Variants in PTK2B observed in about 807,000 individuals in gnomAD.
PTK2B encodes the protein protein-tyrosine kinase 2-beta.
In PTK2B, 71 loss-of-function variants were observed where a neutral mutation model predicts 142.9. The ratio of observed to expected loss-of-function variants is 0.50; its 90% CI spans 0.41 to 0.61. The LOEUF (loss-of-function observed/expected upper bound fraction) is 0.61. PTK2B is among the 20% of genes least tolerant of loss of function. The pLI is 0.00. For synonymous variants in PTK2B, 519 were observed against 503.4 expected, an observed-to-expected ratio of 1.03 and a Z score of -0.42; for missense variants, 1,105 against 1,320.4, an observed-to-expected ratio of 0.84 and a Z score of 2.53.
At chr8:27,391,827 T>C (rs938228721) in intron 1 of PTK2B, among the ~76,000 whole-genome samples, 1 of 152,250 alleles carries the variant, frequency 6.6e-6, no homozygotes, top group Non-Finnish European at 1.5e-5. Flanking sequence ...CTGTTTTAAT[T>C]TGAGCCCATT....
At chr8:27,311,044 C>T (rs142139999), upstream of PTK2B, 2 of 1,599,864 alleles carry the variant, frequency 1.3e-6, no homozygotes, top group Non-Finnish European at 1.7e-6. Context: ...CGGCGGGTGA[C>T]GCGCGGTCTT....
Position 27,397,794 on chromosome 8 carries a change from T to C in PTK2B, c.204+6T>C. On this transcript the variant is annotated splice_donor_region_variant and intron_variant, in intron 2 of 30. Coordinates refer to ENST00000346049, the MANE Select transcript of PTK2B (RefSeq NM_173176.3). ...CTGTCCAGACGGAGATCCGGGTAAGTGTGAAGTGTCTGCCCTGTCCATCTG... is the reference window on the plus strand; with the variant it reads ...CTGTCCAGACGGAGATCCGGGTAAGCGTGAAGTGTCTGCCCTGTCCATCTG... 1 of 1,613,770 alleles carries C rather than the reference T, an allele frequency of 6.2e-7. No homozygotes were observed. Among genetic ancestry groups the C allele is most frequent in the Non-Finnish European group, 8.5e-7 (1 of 1,179,626 alleles).
intron 1 of PTK2B, among the ~76,000 whole-genome samples, chr8:27,312,100 G>A (rs1802989412): frequency 6.6e-6 from 1 of 152,186 alleles, no homozygotes; most frequent in Non-Finnish European, 1.5e-5. Context: ...CTCAATTCTT[G>A]CCAGGTACAG....
At chr8:27,422,156 T>C in intron 4 of PTK2B, 148 bp from the exon 5 acceptor site, 1 of 660,424 alleles carries the variant, frequency 1.5e-6, no homozygotes, top group Non-Finnish European at 2.4e-6. Context: ...CCCCTCGTGC[T>C]CTCCATCCCT....
intron 2 of PTK2B, among the ~76,000 whole-genome samples, chr8:27,408,674 G>A (rs996923813): frequency 1.2e-4 from 19 of 152,134 alleles, no homozygotes; most frequent in African/African-American, 3.9e-4. Context: ...CTGGGGGATC[G>A]CTGTCCAGAT....
intron 3 of PTK2B, 149 bp downstream of exon 3, chr8:27,420,222 C>A (rs1563270705): frequency 3.2e-6 from 3 of 945,616 alleles, no homozygotes; most frequent in Non-Finnish European, 3.2e-6. Flanking sequence ...CCTCCAGTAT[C>A]CAATGCATGT....
At chr8:27,310,893 C>T (rs1246958810), upstream of PTK2B, 1 of 1,612,976 alleles carries the variant, frequency 6.2e-7, no homozygotes, top group Non-Finnish European at 8.5e-7. Context: ...AGCTCCTTGT[C>T]CTCGAGGCAG....
At chr8:27,402,138 G>A (rs1019367025) in intron 2 of PTK2B, among the ~76,000 whole-genome samples, 13 of 152,130 alleles carry the variant, frequency 8.5e-5, no homozygotes, top group African/African-American at 2.7e-4. Context: ...CCCTTCCAAA[G>A]CCTGCACTCT....
intron 13 of PTK2B, among the ~76,000 whole-genome samples, chr8:27,435,446 C>A (rs2132121340): frequency 6.6e-6 from 1 of 152,350 alleles, no homozygotes; most frequent in South Asian, 2.1e-4. Flanking sequence ...TTATTTGATT[C>A]AATCTTTATA....
At chr8:27,358,013 C>G (rs1805484495) in intron 1 of PTK2B, among the ~76,000 whole-genome samples, 1 of 152,164 alleles carries the variant, frequency 6.6e-6, no homozygotes, top group African/African-American at 2.4e-5. Context: ...ATTGGGGTAA[C>G]CAAGCCAACC....
At chr8:27,376,149 G>A (rs184494986) in intron 1 of PTK2B, among the ~76,000 whole-genome samples, 102 of 152,192 alleles carry the variant, frequency 6.7e-4, no homozygotes, top group African/African-American at 2.4e-3. Flanking sequence ...GCCCATTCAG[G>A]TCTAAAGTCC....
intron 2 of PTK2B, among the ~76,000 whole-genome samples, chr8:27,409,377 C>G (rs1808917210): frequency 6.6e-6 from 1 of 151,966 alleles, no homozygotes; most frequent in South Asian, 2.1e-4. Flanking sequence ...AGGGAGCTCA[C>G]CAGGAGGAAA....
At chr8:27,329,637 A>G (rs1803623027) in intron 1 of PTK2B, among the ~76,000 whole-genome samples, 1 of 152,088 alleles carries the variant, frequency 6.6e-6, no homozygotes, top group Admixed American at 6.6e-5. Flanking sequence ...GGTGATGAAG[A>G]TAAGTTTTGC....
intron 2 of PTK2B, among the ~76,000 whole-genome samples, chr8:27,418,123 T>C (rs1408226617): frequency 6.6e-6 from 1 of 152,214 alleles, no homozygotes; most frequent in African/African-American, 2.4e-5. Flanking sequence ...TGCTCACAAG[T>C]GCATTCTGTG....
At chr8:27,336,146 G>GT (rs1804049354) in intron 1 of PTK2B, among the ~76,000 whole-genome samples, 1 of 152,196 alleles carries the variant, frequency 6.6e-6, no homozygotes, top group South Asian at 2.1e-4. Context: ...GTATGTGTGA[G>GT]TGGCGGGAGG....
intron 20 of PTK2B, 102 bp downstream of exon 20, chr8:27,439,500 C>G (rs1252960461): frequency 2.4e-6 from 3 of 1,259,316 alleles, no homozygotes; most frequent in Admixed American, 1.8e-5. Flanking sequence ...CCTCCACCCT[C>G]CGTTCCCAGG....
intron 1 of PTK2B, among the ~76,000 whole-genome samples, chr8:27,336,967 A>G (rs920258940): frequency 1.4e-5 from 1 of 71,384 alleles, no homozygotes; most frequent in Non-Finnish European, 3.0e-5. Context: ...CCACGTCCCC[A>G]CCACCCGTCC....
rs1483033268 is a variant in PTK2B, at chr8:27,353,051, C to T, written c.-38+27370C>T. On this transcript the variant is annotated intron_variant, in intron 1 of 30. Coordinates refer to ENST00000346049, the MANE Select transcript of PTK2B (RefSeq NM_173176.3). ...CCTTCACCTAAGCCAGCCCAGGCTA[C>T]AGTCACCTAAAGGATACAGAGAAGT... is the stretch of plus-strand genomic sequence containing the variant. Among the ~76,000 whole-genome samples the T allele has an allele frequency of 8.5e-5, 13 of 152,342 alleles. No homozygotes were observed. In the South Asian group the frequency reaches 2.7e-3, roughly 32 times the overall value.
At chr8:27,319,201 T>C (rs1476321017) in intron 3 of PTK2B, among the ~76,000 whole-genome samples, 1 of 152,158 alleles carries the variant, frequency 6.6e-6, no homozygotes, top group East Asian at 1.9e-4. Context: ...ACAGTATAAT[T>C]AACCCCCACA....
Sources: gnomAD v4.1 joint callset for allele counts (sites outside exome capture counted in the v4.1 genomes callset) on GRCh38, gnomAD v4.1.1 for gene constraint, MANE v1.5 for transcripts, NCBI Gene and HGNC (gene_info 2026-07-23, HGNC 2026-07-21) for gene names.